LINC00632: variants seen among roughly 807,000 people sequenced by gnomAD.
LINC00632 encodes the protein long independently transcribed non-coding RNA 632, also known as ALDOA related specific transcript.
At chrX:140,715,846 A>G (rs927091069) in intron 2 of LINC00632, among the ~76,000 whole-genome samples, 1 of 111,348 alleles carries the variant, frequency 9.0e-6, no homozygotes, top group African/African-American at 3.3e-5. Flanking sequence ...TACTTGCCTC[A>G]CAACTCACAC....
At chrX:140,743,260 A>C (rs1379526393) in intron 3 of LINC00632, among the ~76,000 whole-genome samples, 1 of 90,984 alleles carries the variant, frequency 1.1e-5, no homozygotes, top group Non-Finnish European at 2.2e-5. Context: ...AAAAAAAAAA[A>C]GAAATAGAGA....
Position 140,742,839 on chromosome X carries a change from TAGAGAGAGAG to T in LINC00632, n.191+8906_191+8915del, listed in dbSNP as rs3084215. On this transcript the variant is annotated intron_variant and non_coding_transcript_variant, in intron 3 of 4. Coordinates refer to ENST00000648200, the Ensembl canonical transcript of LINC00632. ...GGTAAGGCCTTATGGTAGAAGGTGA[TAGAGAGAGAG>T]AGAGAGAGAGAGAGAGAGAGAGAGA... Among the ~76,000 whole-genome samples, 159 of 46,913 alleles carry T rather than the reference TAGAGAGAGAG, an allele frequency of 3.4e-3. 3 individuals are homozygous for T. The highest frequency in any genetic ancestry group is 0.011 in the African/African-American group (109 of 9,931). 40.7% of individuals were successfully genotyped at this position (46,913 alleles called of 115,157 possible). A position where few individuals can be genotyped will look rare whatever the true frequency, so the allele number is the denominator to read the frequency against.
chrX:140,746,236 A>G (rs1194952742), intron 3 of LINC00632, among the ~76,000 whole-genome samples: 1 of 111,912 alleles, frequency 8.9e-6, no homozygotes, highest in East Asian at 2.8e-4. Context: ...TCTTTTAACT[A>G]CTTAACTTTT....
At chrX:140,756,108 G>GT (rs1317001602) in intron 3 of LINC00632, among the ~76,000 whole-genome samples, 1 of 111,412 alleles carries the variant, frequency 9.0e-6, no homozygotes, top group Non-Finnish European at 1.9e-5. Flanking sequence ...TAGAACAGCT[G>GT]TAAGGGGATA....
intron 3 of LINC00632, among the ~76,000 whole-genome samples, chrX:140,734,150 G>A (rs756076586): frequency 3.9e-4 from 44 of 111,579 alleles, no homozygotes; most frequent in Non-Finnish European, 7.2e-4. Context: ...TCCCCCTGCC[G>A]TCCCAAATTT....
At chrX:140,738,453 T>TTAGG (rs1199860720) in intron 3 of LINC00632, among the ~76,000 whole-genome samples, 1 of 112,573 alleles carries the variant, frequency 8.9e-6, no homozygotes, top group African/African-American at 3.2e-5. Flanking sequence ...ATGGAAGTAG[T>TTAGG]TGTCACTTTT....
At position 140,710,905 on chromosome X, in the gene LINC00632, G is replaced by A. The variant is rs899973956; in HGVS notation, n.69-716G>A. 5.4e-5 allele frequency among the ~76,000 whole-genome samples: 6 copies of A among 110,832 alleles called. No homozygotes were observed. The East Asian group carries it at 1.7e-3, about 32-fold the overall frequency. On this transcript the variant is annotated intron_variant and non_coding_transcript_variant, in intron 1 of 4. Coordinates refer to ENST00000648200, the Ensembl canonical transcript of LINC00632. Reference sequence around the variant, plus strand: ...GAACATACTGGAGGCAAAGGGAGGGGGTGTTGAACAGAGCACTGCGGCAAA... The same window carrying A: ...GAACATACTGGAGGCAAAGGGAGGGAGTGTTGAACAGAGCACTGCGGCAAA...
chrX:140,734,926 T>G (rs141198815), intron 3 of LINC00632, among the ~76,000 whole-genome samples: 4,055 of 108,738 alleles, frequency 0.037, 71 homozygotes, highest in Non-Finnish European at 0.055. Flanking sequence ...CACGCCCGGC[T>G]AATTTTTTTT....
At chrX:140,747,797 A>G (rs1931349368) in intron 3 of LINC00632, among the ~76,000 whole-genome samples, 1 of 111,336 alleles carries the variant, frequency 9.0e-6, no homozygotes, top group African/African-American at 3.3e-5. Context: ...GCCACATCCC[A>G]TCCCTGCCCT....
intron 3 of LINC00632, chrX:140,772,066 G>T (rs938707498): frequency 3.5e-6 from 1 of 287,727 alleles, no homozygotes; most frequent in African/African-American, 2.8e-5. Context: ...TTTTATGTTT[G>T]CTTTTTCCTA....
exon 4 of LINC00632, among the ~76,000 whole-genome samples, chrX:140,773,389 G>A (rs1423891906): frequency 8.9e-6 from 1 of 112,307 alleles, no homozygotes; most frequent in Non-Finnish European, 1.9e-5. Flanking sequence ...GGAAGCAAAT[G>A]CCTACTTGCA....
At chrX:140,720,843 G>A (rs1387123268) in intron 2 of LINC00632, among the ~76,000 whole-genome samples, 1 of 111,566 alleles carries the variant, frequency 9.0e-6, no homozygotes, top group African/African-American at 3.3e-5. Flanking sequence ...CTGAGAGCAC[G>A]CAGAAGTGCT....
rs766279684 is a variant in LINC00632, at chrX:140,724,319, TACTC to T, written n.105-9556_105-9553del. Among the ~76,000 whole-genome samples, 587 of 62,826 alleles carry T rather than the reference TACTC, an allele frequency of 9.3e-3. 6 individuals carry two copies. Among genetic ancestry groups the T allele is most frequent in the African/African-American group, 0.03 (509 of 17,177 alleles). The allele number at this position is 62,826 out of a possible 115,157, so 54.6% of individuals were successfully genotyped here. A position where few individuals can be genotyped will look rare whatever the true frequency, so the allele number is the denominator to read the frequency against. The stretch of plus-strand genomic sequence containing the variant: ...CACACACACATTCAGACACATTCCA[TACTC>T]ACACACACACTTTCCATACACATAC... On this transcript the variant is annotated intron_variant and non_coding_transcript_variant, in intron 2 of 4. Coordinates refer to ENST00000648200, the Ensembl canonical transcript of LINC00632.
At chrX:140,736,745 C>T (rs1819099779) in intron 3 of LINC00632, among the ~76,000 whole-genome samples, 1 of 109,336 alleles carries the variant, frequency 9.1e-6, no homozygotes, top group South Asian at 3.9e-4. Flanking sequence ...TAGTATCAAA[C>T]TTTTTAACGA....
At chrX:140,775,640 T>C (rs774365774) in exon 5 of LINC00632, among the ~76,000 whole-genome samples, 3 of 110,951 alleles carry the variant, frequency 2.7e-5, no homozygotes, top group South Asian at 7.7e-4. Context: ...AAAACCTGAA[T>C]AGAGAAAAGA....
chrX:140,784,753 G>A (rs1445471561), exon 5 of LINC00632: 1 of 178,758 alleles, frequency 5.6e-6, no homozygotes, highest in East Asian at 1.3e-4. Context: ...GCCTTCCCAT[G>A]TTAAAATCAC....
At chrX:140,739,069 G>GA (rs1931186853) in intron 3 of LINC00632, among the ~76,000 whole-genome samples, 1 of 110,588 alleles carries the variant, frequency 9.0e-6, no homozygotes, top group South Asian at 4.0e-4. Flanking sequence ...AAGAATATTG[G>GA]AAAAAACATC....
In LINC00632 at chrX:140,746,899, C is replaced by CT. The variant is rs766029815; in HGVS notation, n.191+12937dup. 8.1e-5 allele frequency among the ~76,000 whole-genome samples: 9 copies of CT among 111,782 alleles called. No individual in the cohort carries two copies. The East Asian group carries it at 2.5e-3, about 32-fold the overall frequency. ...AGACTGGAGCTCCTGCAGTATCTAC[C>CT]TTACAAACTGCATTTCGTCACACAC... On this transcript the variant is annotated intron_variant and non_coding_transcript_variant, in intron 3 of 4. Coordinates refer to ENST00000648200, the Ensembl canonical transcript of LINC00632.
At chrX:140,713,668 G>C in intron 2 of LINC00632, 1 of 342,086 alleles carries the variant, frequency 2.9e-6, no homozygotes, top group South Asian at 2.6e-5. Flanking sequence ...CCAGTACACA[G>C]ACATATCCAA....
Sources: gnomAD v4.1 joint callset for allele counts (sites outside exome capture counted in the v4.1 genomes callset) on GRCh38, gnomAD v4.1.1 for gene constraint, MANE v1.5 for transcripts, NCBI Gene and HGNC (gene_info 2026-07-23, HGNC 2026-07-21) for gene names.